Variants in FOXJ3 observed in about 807,000 individuals in gnomAD.
The protein encoded by FOXJ3 is forkhead box J3.
In FOXJ3, 22 loss-of-function variants were observed where a neutral mutation model predicts 76.1. The observed-to-expected ratio is 0.29, with a 90% CI of 0.21 to 0.41. FOXJ3 has a LOEUF of 0.41. Among genes scored for constraint, FOXJ3 ranks in the 10% least tolerant of loss-of-function variants. The probability of loss-of-function intolerance (pLI) is 1.00; values close to 1 mark genes in which losing one functional copy is unlikely to be tolerated. For synonymous variants in FOXJ3, 269 were observed against 261.2 expected, an observed-to-expected ratio of 1.03 and a Z score of -0.29; for missense variants, 613 against 762.1, an observed-to-expected ratio of 0.80 and a Z score of 2.30.
chr1:42,261,678 T>C (rs1651049010), intron 4 of FOXJ3, among the ~76,000 whole-genome samples: 1 of 152,194 alleles, frequency 6.6e-6, no homozygotes, highest in African/African-American at 2.4e-5. Context: ...GAGAAGATGC[T>C]ATACGAGCTA....
At chr1:42,316,332 C>CTTTTTTTTT (rs1557720386) in intron 1 of FOXJ3, among the ~76,000 whole-genome samples, 1 of 27,798 alleles carries the variant, frequency 3.6e-5, no homozygotes, top group South Asian at 9.5e-4. Flanking sequence ...CTGCATTGGG[C>CTTTTTTTTT]CTTTTTTTTT....
chr1:42,306,691 T>C (rs186216112), intron 2 of FOXJ3, among the ~76,000 whole-genome samples: 374 of 152,246 alleles, frequency 2.5e-3, no homozygotes, highest in Non-Finnish European at 4.3e-3. Flanking sequence ...CAGACTCTTA[T>C]CACCCAAACT....
intron 1 of FOXJ3, among the ~76,000 whole-genome samples, chr1:42,317,222 T>C (rs1655169696): frequency 6.6e-6 from 1 of 152,104 alleles, no homozygotes; most frequent in Admixed American, 6.5e-5. Context: ...ACATTTCAGA[T>C]TATTATACCA....
intron 2 of FOXJ3, among the ~76,000 whole-genome samples, chr1:42,282,069 A>G (rs944992288): frequency 3.6e-5 from 5 of 140,808 alleles, no homozygotes; most frequent in African/African-American, 5.4e-5. Context: ...AAAAAAGGAG[A>G]AAAAAAAAAA....
intron 2 of FOXJ3, among the ~76,000 whole-genome samples, chr1:42,293,592 G>A (rs1044625979): frequency 2.0e-5 from 3 of 152,144 alleles, no homozygotes; most frequent in South Asian, 2.1e-4. Flanking sequence ...TTTGTGCTGC[G>A]AGGTAAAGCA....
At chr1:42,203,509 T>G (rs1233253527) in intron 6 of FOXJ3, among the ~76,000 whole-genome samples, 1 of 152,164 alleles carries the variant, frequency 6.6e-6, no homozygotes, top group Non-Finnish European at 1.5e-5. Context: ...GAACAAAATT[T>G]TTCTCAGATA....
At chr1:42,325,202 A>G (rs1464685716) in intron 1 of FOXJ3, among the ~76,000 whole-genome samples, 1 of 152,254 alleles carries the variant, frequency 6.6e-6, no homozygotes, top group Non-Finnish European at 1.5e-5. Context: ...GCAAACCTGA[A>G]TGCCCAGGTC....
rs71654235 is a variant in FOXJ3, at chr1:42,303,182, T to C, written c.44+7868A>G. ...GCAGTAGAGTTAAATGGTTAAAGCATGGGCACTGGATAAGGACCTATGTAT... is the reference window on the plus strand; with the variant it reads ...GCAGTAGAGTTAAATGGTTAAAGCACGGGCACTGGATAAGGACCTATGTAT... On this transcript the variant is annotated intron_variant, in intron 2 of 12. Coordinates refer to ENST00000361346, the MANE Select transcript of FOXJ3 (RefSeq NM_014947.5). Among the ~76,000 whole-genome samples the C allele has an allele frequency of 9.9e-3, 1,514 of 152,326 alleles. 9 individuals are homozygous for C. Among genetic ancestry groups the C allele is most frequent in the Non-Finnish European group, 0.014 (974 of 68,036 alleles).
At chr1:42,273,872 G>A (rs1261580842) in intron 3 of FOXJ3, among the ~76,000 whole-genome samples, 2 of 152,060 alleles carry the variant, frequency 1.3e-5, no homozygotes, top group African/African-American at 2.4e-5. Flanking sequence ...TTTTCTTGGG[G>A]AGCGGGGTAG....
intron 1 of FOXJ3, among the ~76,000 whole-genome samples, chr1:42,312,465 T>C (rs1261794984): frequency 6.6e-6 from 1 of 152,210 alleles, no homozygotes; most frequent in Non-Finnish European, 1.5e-5. Flanking sequence ...ATCTAATAAT[T>C]ATCCCTGCAT....
At chr1:42,299,793 A>G (rs1325733813) in intron 2 of FOXJ3, among the ~76,000 whole-genome samples, 2 of 152,092 alleles carry the variant, frequency 1.3e-5, no homozygotes, top group Non-Finnish European at 2.9e-5. Flanking sequence ...CAGTAATCCC[A>G]GCTACTTGGG....
In FOXJ3 at chr1:42,292,741, T is replaced by A. The variant is rs563667793; in HGVS notation, c.45-14069A>T. On this transcript the variant is annotated intron_variant, in intron 2 of 12. Coordinates refer to ENST00000361346, the MANE Select transcript of FOXJ3 (RefSeq NM_014947.5). ...GATGTGGTGATGATTTATGTGTGTA[T>A]GTATTTGTCAGACTTATAAAATTGT... Among the ~76,000 whole-genome samples the A allele has an allele frequency of 2.6e-5, 4 of 152,312 alleles. No individual in the cohort carries two copies. In the East Asian group the frequency reaches 7.7e-4, roughly 29 times the overall value.
At chr1:42,204,272 C>CT (rs1230045881) in intron 6 of FOXJ3, among the ~76,000 whole-genome samples, 1 of 151,866 alleles carries the variant, frequency 6.6e-6, no homozygotes, top group Non-Finnish European at 1.5e-5. Flanking sequence ...CCTCCCTCTT[C>CT]TTTTTTTTCA....
chr1:42,191,227 T>C, intron 9 of FOXJ3, 76 bp downstream of exon 9: 2 of 1,381,296 alleles, frequency 1.4e-6, no homozygotes, highest in Non-Finnish European at 2.0e-6. Context: ...TAGTAAATAC[T>C]ACATGAGCTC....
At chr1:42,274,356 C>T (rs906325436) in intron 3 of FOXJ3, among the ~76,000 whole-genome samples, 1 of 152,210 alleles carries the variant, frequency 6.6e-6, no homozygotes, top group Non-Finnish European at 1.5e-5. Context: ...TTAACAATCA[C>T]TTCTCATACT....
chr1:42,311,847 G>A (rs115497324), intron 1 of FOXJ3, among the ~76,000 whole-genome samples: 2 of 152,082 alleles, frequency 1.3e-5, no homozygotes, highest in Admixed American at 6.6e-5. Context: ...TTATTCAGAG[G>A]GGATTAAACT....
chr1:42,280,486 A>G (rs748612567), intron 2 of FOXJ3: 1 of 922,878 alleles, frequency 1.1e-6, no homozygotes, highest in Non-Finnish European at 1.3e-6. Flanking sequence ...CTACTCTACA[A>G]TCTCAACCAG....
intron 1 of FOXJ3, among the ~76,000 whole-genome samples, chr1:42,321,643 T>C (rs916191171): frequency 5.9e-5 from 9 of 152,224 alleles, no homozygotes; most frequent in Non-Finnish European, 8.8e-5. Flanking sequence ...CAGATGTTTA[T>C]AATCTTGTTG....
rs1424634887 is a variant in FOXJ3, at chr1:42,199,354, T to A, written c.631-124A>T. ...ATCTCAGTGGCCTTTCCCTAGGTGC[T>A]CACCCCAATTCCATGCCCCATATGG... On this transcript the variant is annotated intron_variant, in intron 6 of 12. Coordinates refer to ENST00000361346, the MANE Select transcript of FOXJ3 (RefSeq NM_014947.5). 11 of 688,050 alleles carry A rather than the reference T, an allele frequency of 1.6e-5. No homozygotes were observed. In the East Asian group the frequency reaches 2.5e-4, roughly 16 times the overall value. The allele number at this position is 688,050 out of a possible 1,614,324, so 42.6% of individuals were successfully genotyped here.
Sources: allele counts gnomAD v4.1 joint callset (sites outside exome capture counted in the v4.1 genomes callset), GRCh38; gene constraint gnomAD v4.1.1; transcripts MANE v1.5; gene names NCBI Gene and HGNC (gene_info 2026-07-23, HGNC 2026-07-21).